Variants in STARD9 observed in about 807,000 individuals in gnomAD.
STARD9 encodes the protein stAR-related lipid transfer protein 9.
A neutral mutation model predicts 399.8 loss-of-function variants in STARD9; 346 were observed. The ratio of observed to expected loss-of-function variants is 0.87; its 90% CI spans 0.79 to 0.95. STARD9 has a LOEUF of 0.95. STARD9 is among the 40% of genes least tolerant of loss of function. The pLI is 0.00. For missense variants in STARD9, 5,832 were observed against 5,667.5 expected (o/e 1.03, Z -0.93); for synonymous variants, 2,203 against 2,143.5 (o/e 1.03, Z -0.77).
At chr15:42,621,670 T>A (rs2059096549) in intron 3 of STARD9, among the ~76,000 whole-genome samples, 1 of 152,230 alleles carries the variant, frequency 6.6e-6, no homozygotes, top group Non-Finnish European at 1.5e-5. Context: ...TGGCTACTTG[T>A]TACAAAAGTA....
At chr15:42,719,448 T>G in intron 32 of STARD9, 25 bp from the exon 33 acceptor site, 1 of 1,472,960 alleles carries the variant, frequency 6.8e-7, no homozygotes, top group Non-Finnish European at 9.2e-7. Flanking sequence ...ATTTGCACCT[T>G]AAATTCTTCT....
rs1398919265 is a variant in STARD9 at position 42,691,724 on chromosome 15, C to T, written c.10146C>T (p.Ser3382=). The change falls in exon 23 of 33, where the codon AGC becomes AGT. Residue 3382 remains serine (S), a synonymous_variant. Coordinates refer to ENST00000290607, the MANE Select transcript of STARD9 (RefSeq NM_020759.3). ...VARTSLQAED[S]NQKASSRLDD... Reference sequence around the variant, plus strand: ...GAACATCTCTGCAGGCTGAGGACAGCAATCAGAAAGCCTCATCTCGCTTGG... The same window carrying T: ...GAACATCTCTGCAGGCTGAGGACAGTAATCAGAAAGCCTCATCTCGCTTGG... 5.2e-6 allele frequency: 8 copies of T among 1,537,254 alleles called. No homozygotes were observed. The highest frequency in any genetic ancestry group is 2.0e-5 in the Admixed American group (1 of 51,006).
intron 11 of STARD9, 133 bp from the exon 12 acceptor site, chr15:42,663,147 TA>T: frequency 1.1e-6 from 1 of 916,900 alleles, no homozygotes; most frequent in Non-Finnish European, 1.6e-6. Flanking sequence ...TAGGAATACC[TA>T]AAATATCCTA....
intron 9 of STARD9, 23 bp from the exon 10 acceptor site, chr15:42,661,135 G>A: frequency 1.3e-6 from 2 of 1,508,910 alleles, no homozygotes; most frequent in Non-Finnish European, 8.9e-7. Context: ...CAAATGACAG[G>A]CTTTAAATGT....
At chr15:42,716,395 C>A (rs1448072394) in intron 26 of STARD9, among the ~76,000 whole-genome samples, 1 of 152,164 alleles carries the variant, frequency 6.6e-6, no homozygotes, top group African/African-American at 2.4e-5. Flanking sequence ...TGGAAGCTGG[C>A]AGAGCACCCC....
At chr15:42,678,657 C>T (rs2140186461) in intron 20 of STARD9, among the ~76,000 whole-genome samples, 1 of 152,294 alleles carries the variant, frequency 6.6e-6, no homozygotes, top group East Asian at 1.9e-4. Flanking sequence ...TGGGGGACAG[C>T]TGTGAGAGAA....
chr15:42,638,481 G>C (rs1012649953), intron 6 of STARD9, among the ~76,000 whole-genome samples: 2 of 152,140 alleles, frequency 1.3e-5, no homozygotes, highest in Admixed American at 6.6e-5. Flanking sequence ...ACTCCAACCT[G>C]TGAGACAGAG....
At chr15:42,579,825 C>T (rs1595571895) in intron 1 of STARD9, among the ~76,000 whole-genome samples, 1 of 152,122 alleles carries the variant, frequency 6.6e-6, no homozygotes, top group East Asian at 1.9e-4. Flanking sequence ...TTAAAAATGA[C>T]TACTGAGACT....
chr15:42,698,392 T>A (rs1180576908), intron 26 of STARD9, among the ~76,000 whole-genome samples: 1 of 152,248 alleles, frequency 6.6e-6, no homozygotes, highest in Non-Finnish European at 1.5e-5. Context: ...CACCAACATG[T>A]TATCAAATGT....
chr15:42,604,435 T>C (rs1468010906), intron 3 of STARD9, among the ~76,000 whole-genome samples: 5 of 152,106 alleles, frequency 3.3e-5, no homozygotes, highest in South Asian at 4.1e-4. Context: ...AGAACCAACA[T>C]TGTATTTGTC....
At position 42,677,018 on chromosome 15, in the gene STARD9, C is replaced by T. The variant is rs539879368; in HGVS notation, c.1874+1043C>T. ...CTGTAATCCCAGCACTTTGGGAGGC[C>T]GAGGTGGGTGGATCACAAGGTTAGG... On this transcript the variant is annotated intron_variant, in intron 20 of 32. Transcript: ENST00000290607. Among the ~76,000 whole-genome samples the T allele has an allele frequency of 4.8e-5, 7 of 144,608 alleles. No homozygotes were observed. In the East Asian group the frequency reaches 1.2e-3, roughly 26 times the overall value. 94.9% of individuals were successfully genotyped at this position (144,608 alleles called of 152,430 possible).
chr15:42,575,907 C>T, intron 1 of STARD9, 145 bp downstream of exon 1: 1 of 928,290 alleles, frequency 1.1e-6, no homozygotes, highest in Non-Finnish European at 1.7e-6. Flanking sequence ...CCACGGAGGC[C>T]TGGCGGGACG....
rs1391147538 is a variant in STARD9 at position 42,685,606 on chromosome 15, C to CTT, written c.4029_4030insTT (p.Lys1344LeufsTer11). The CTT allele has an allele frequency of 6.5e-7, 1 of 1,537,488 alleles. No homozygotes were observed. Among genetic ancestry groups the CTT allele is most frequent in the East Asian group, 2.4e-5 (1 of 40,918 alleles). ...ATGGATTCCTGGTTTTCCTGTGACT[C>CTT]TAAGATCAACCCCAGCAGCCCCCCA... On this transcript the variant is annotated frameshift_variant, in exon 23 of 33. Transcript: ENST00000290607. LOFTEE classifies it high-confidence loss of function.
chr15:42,699,763 A>T (rs566151004), intron 26 of STARD9, among the ~76,000 whole-genome samples: 1 of 148,718 alleles, frequency 6.7e-6, no homozygotes, highest in Non-Finnish European at 1.5e-5. Flanking sequence ...CTGGAGTGCA[A>T]TGGTGCAAAC....
rs1445762779 is a variant in STARD9 at position 42,687,271 on chromosome 15, C to G, written c.5693C>G (p.Ser1898Cys). 5.9e-6 allele frequency: 9 copies of G among 1,536,692 alleles called. No individual in the cohort carries two copies. The highest frequency in any genetic ancestry group is 7.8e-6 in the Non-Finnish European group (9 of 1,146,830). The change falls in exon 23 of 33, where the codon TCC becomes TGC. Residue 1898 changes from serine to cysteine, a missense_variant. Ser to Cys is a moderately radical substitution (Grantham distance 112, BLOSUM62 -1). Around this residue, in one of 2 missense-constraint regions of STARD9, gnomAD observed 5,828 missense variants for 5,651.1 expected, o/e 1.03. Coordinates refer to ENST00000290607, the MANE Select transcript of STARD9 (RefSeq NM_020759.3). Reference sequence around the variant, plus strand: ...ACTGCTCAGTCCTGTTGCGGTGCTTCCTCAGACAGCACTGAGTCTGGGAAG... The same window carrying G: ...ACTGCTCAGTCCTGTTGCGGTGCTTGCTCAGACAGCACTGAGTCTGGGAAG... ...EVTAQSCCGA[S>C]SDSTESGKSL...
At chr15:42,697,225 T>C (rs939211657) in intron 26 of STARD9, among the ~76,000 whole-genome samples, 1 of 152,176 alleles carries the variant, frequency 6.6e-6, no homozygotes, top group African/African-American at 2.4e-5. Flanking sequence ...AAAAATATCT[T>C]TGGGATATCA....
At position 42,684,627 on chromosome 15, in the gene STARD9, C is replaced by A. The variant is rs1303715525; in HGVS notation, c.3049C>A (p.Gln1017Lys). ...TTCCTTGTATCCTCATGGACCCAGG[C>A]AGACTGCTGGGCACGGAAAGGCAGT... ...CNSLYPHGPR[Q>K]TAGHGKAVKT... Residue 1017 changes from glutamine (Q) to lysine (K), a missense_variant, in exon 23 of 33, where the codon CAG (glutamine) becomes AAG (lysine). This residue lies in a region of STARD9 where 5,828 missense variants were observed against 5,651.1 expected (regional missense o/e 1.03). Transcript: ENST00000290607. 15 of 1,537,070 alleles carry A rather than the reference C, an allele frequency of 9.8e-6. No individual in the cohort carries two copies. The highest frequency in any genetic ancestry group is 1.1e-5 in the Non-Finnish European group (13 of 1,146,908).
intron 1 of STARD9, among the ~76,000 whole-genome samples, chr15:42,577,316 G>C (rs1206790807): frequency 6.6e-6 from 1 of 152,134 alleles, no homozygotes; most frequent in Non-Finnish European, 1.5e-5. Context: ...ACCATGCCCG[G>C]CTAATTTTTT....
At chr15:42,707,054 C>T (rs145620783) in intron 26 of STARD9, among the ~76,000 whole-genome samples, 5 of 152,064 alleles carry the variant, frequency 3.3e-5, no homozygotes, top group East Asian at 1.9e-4. Flanking sequence ...TTTGCTTTCA[C>T]AATATATTCC....
Sources: gnomAD v4.1 joint callset for allele counts (sites outside exome capture counted in the v4.1 genomes callset) on GRCh38, gnomAD v4.1.1 for gene constraint, gnomAD v4.1.1 regional missense constraint, MANE v1.5 for transcripts, NCBI Gene and HGNC (gene_info 2026-07-23, HGNC 2026-07-21) for gene names.